Variants in PTPRN2 observed in about 807,000 individuals in gnomAD.
The protein encoded by PTPRN2 is protein tyrosine phosphatase receptor type N2, also known as receptor-type tyrosine-protein phosphatase N2.
In PTPRN2, 74 loss-of-function variants were observed where a neutral mutation model predicts 118.8. That is an observed-to-expected ratio of 0.62 (90% CI 0.52 to 0.76). The LOEUF is 0.76. Ranked by LOEUF, PTPRN2 falls within the 30% of genes least tolerant of loss-of-function variation. The pLI is 0.00. For missense variants in PTPRN2, 1,481 were observed against 1,394.4 expected (o/e 1.06, Z -0.99); for synonymous variants, 641 against 608.0 (o/e 1.05, Z -0.80).
intron 2 of PTPRN2, among the ~76,000 whole-genome samples, chr7:158,461,481 G>A (rs996410588): frequency 7.0e-6 from 1 of 142,958 alleles, no homozygotes; most frequent in African/African-American, 2.6e-5. Flanking sequence ...GGGCAACAGA[G>A]CGAGACTCCG....
At chr7:158,414,597 C>T (rs1004995181) in intron 2 of PTPRN2, among the ~76,000 whole-genome samples, 1 of 152,230 alleles carries the variant, frequency 6.6e-6, no homozygotes. Flanking sequence ...CTGGCACGAG[C>T]TCACATGCGG....
At chr7:158,523,193 C>T (rs1824342159) in intron 1 of PTPRN2, among the ~76,000 whole-genome samples, 2 of 151,930 alleles carry the variant, frequency 1.3e-5, no homozygotes, top group African/African-American at 4.8e-5. Context: ...GGGTTGCAGC[C>T]AGGTTGGGGT....
At chr7:158,178,675 G>A (rs1273820009) in intron 5 of PTPRN2, among the ~76,000 whole-genome samples, 2 of 132,112 alleles carry the variant, frequency 1.5e-5, no homozygotes, top group Non-Finnish European at 3.1e-5. Context: ...TCAGCTCACT[G>A]CAACCTCCAA....
chr7:157,871,361 G>A (rs1420582355), intron 12 of PTPRN2, among the ~76,000 whole-genome samples: 1 of 152,194 alleles, frequency 6.6e-6, no homozygotes, highest in Non-Finnish European at 1.5e-5. Context: ...TGACATATGA[G>A]AACTGTGGGC....
At chr7:157,951,403 C>T (rs906438062) in intron 11 of PTPRN2, among the ~76,000 whole-genome samples, 25 of 152,276 alleles carry the variant, frequency 1.6e-4, no homozygotes, top group African/African-American at 4.3e-4. Context: ...GAACAGCGCC[C>T]GGTGCACACA....
intron 11 of PTPRN2, among the ~76,000 whole-genome samples, chr7:157,957,983 ATCT>A (rs932752749): frequency 6.6e-5 from 10 of 152,238 alleles, no homozygotes; most frequent in Admixed American, 2.0e-4. Context: ...GATGCAAAAA[ATCT>A]TCGACAAAAT....
At chr7:158,393,826 G>A (rs1174693500) in intron 2 of PTPRN2, among the ~76,000 whole-genome samples, 3 of 152,038 alleles carry the variant, frequency 2.0e-5, no homozygotes, top group Non-Finnish European at 4.4e-5. Context: ...CTTCTCAAAC[G>A]TGGTGAGCAG....
intron 3 of PTPRN2, among the ~76,000 whole-genome samples, chr7:158,228,828 T>A (rs1828983952): frequency 6.6e-6 from 1 of 152,090 alleles, no homozygotes. Context: ...TGGAGACCTG[T>A]TCCTGCTTCA....
intron 12 of PTPRN2, among the ~76,000 whole-genome samples, chr7:157,774,922 T>C (rs1803104238): frequency 6.6e-6 from 1 of 152,152 alleles, no homozygotes; most frequent in Non-Finnish European, 1.5e-5. Context: ...TCAAGGAACA[T>C]GGTCTCTTCT....
rs1289190266 is a variant in PTPRN2 at position 158,574,759 on chromosome 7, C to T, written c.112+12799G>A. On this transcript the variant is annotated intron_variant, in intron 1 of 22. Coordinates refer to ENST00000389418, the MANE Select transcript of PTPRN2 (RefSeq NM_002847.5). This position sits in a 1 kb window ranked among gnomAD's most constrained non-coding sequence, Gnocchi z 4.6. ...CTCTGCTACATGTGAGGACTGCATG[C>T]CCGGCAGCTTCCTCCACATGCATCA... Among the ~76,000 whole-genome samples, 1 of 152,248 alleles carries T rather than the reference C, an allele frequency of 6.6e-6. No homozygotes were observed. Among genetic ancestry groups the T allele is most frequent in the African/African-American group, 2.4e-5 (1 of 41,474 alleles).
intron 6 of PTPRN2, among the ~76,000 whole-genome samples, chr7:158,155,739 C>CCATCATCAT (rs1563529876): frequency 7.7e-5 from 5 of 64,600 alleles, no homozygotes; most frequent in East Asian, 1.6e-3. Flanking sequence ...ACCATCATCA[C>CCATCATCAT]CATCATCACC....
At chr7:157,771,134 A>G (rs995278910) in intron 12 of PTPRN2, among the ~76,000 whole-genome samples, 1 of 152,246 alleles carries the variant, frequency 6.6e-6, no homozygotes, top group African/African-American at 2.4e-5. Flanking sequence ...GCAGAGGCCC[A>G]GAGCTCCCAG....
At chr7:157,800,510 C>T (rs966334540) in intron 12 of PTPRN2, among the ~76,000 whole-genome samples, 2 of 152,316 alleles carry the variant, frequency 1.3e-5, no homozygotes, top group East Asian at 1.9e-4. Context: ...CCTCCCAGGC[C>T]GCCGCACTCC....
intron 13 of PTPRN2, among the ~76,000 whole-genome samples, chr7:157,673,488 T>C (rs1796509936): frequency 6.6e-6 from 1 of 152,190 alleles, no homozygotes; most frequent in Non-Finnish European, 1.5e-5. Context: ...CCTGCAGAAA[T>C]GCCTGACTCT....
intron 11 of PTPRN2, among the ~76,000 whole-genome samples, chr7:157,975,469 C>T (rs548212424): frequency 1.4e-4 from 21 of 152,298 alleles, no homozygotes; most frequent in African/African-American, 5.1e-4. Context: ...CCTAGGAGTC[C>T]CTGAATGCAG....
intron 12 of PTPRN2, among the ~76,000 whole-genome samples, chr7:157,835,683 A>C (rs1563155760): frequency 6.6e-6 from 1 of 152,202 alleles, no homozygotes; most frequent in Non-Finnish European, 1.5e-5. Flanking sequence ...GGTGCACTGC[A>C]AATGCGTGGG....
intron 11 of PTPRN2, among the ~76,000 whole-genome samples, chr7:158,027,097 A>G (rs1279079520): frequency 1.3e-5 from 2 of 152,182 alleles, no homozygotes; most frequent in East Asian, 3.9e-4. Context: ...CCTAGAACCA[A>G]CAGGGCTCAC....
intron 3 of PTPRN2, among the ~76,000 whole-genome samples, chr7:158,267,635 G>C (rs1472089736): frequency 6.6e-6 from 1 of 152,178 alleles, no homozygotes; most frequent in Non-Finnish European, 1.5e-5. Context: ...GCCCCTGAGA[G>C]CTCCTGGTTA....
intron 2 of PTPRN2, among the ~76,000 whole-genome samples, chr7:158,423,302 T>C (rs7781845): frequency 0.97 from 148,172 of 152,336 alleles, 72,097 homozygotes; most frequent in African/African-American, 0.99. Flanking sequence ...GGAAGTGGAT[T>C]TGGGGGGCTT....
Sources: gnomAD v4.1 joint callset for allele counts (sites outside exome capture counted in the v4.1 genomes callset) on GRCh38, gnomAD v4.1.1 for gene constraint, Gnocchi (gnomAD v3.1) non-coding constraint, MANE v1.5 for transcripts, NCBI Gene and HGNC (gene_info 2026-07-23, HGNC 2026-07-21) for gene names.